The following PCDHGA5 variants were observed in gnomAD, a reference collection of about 807,000 sequenced individuals.
PCDHGA5 encodes the protein protocadherin gamma subfamily A, 5.
A neutral mutation model predicts 56.7 loss-of-function variants in PCDHGA5; 36 were observed. The observed-to-expected ratio is 0.64, with a 90% confidence interval of 0.49 to 0.84. The LOEUF (loss-of-function observed/expected upper bound fraction) is 0.84, where lower values mean the gene tolerates loss of function less well. Ranked by LOEUF, PCDHGA5 falls within the 40% of genes least tolerant of loss-of-function variation. The pLI is 0.00. For synonymous variants in PCDHGA5, 563 were observed against 520.2 expected, an observed-to-expected ratio of 1.08 and a Z score of -1.12; for missense variants, 1,305 against 1,201.5, an observed-to-expected ratio of 1.09 and a Z score of -1.27.
At chr5:141,397,395 C>G (rs1382237446) in intron 1 of PCDHGA5, among the ~76,000 whole-genome samples, 1 of 152,048 alleles carries the variant, frequency 6.6e-6, no homozygotes, top group Non-Finnish European at 1.5e-5. Flanking sequence ...ATTGCCACAA[C>G]TTTACAAAAT....
At position 141,430,974 on chromosome 5, in the gene PCDHGA5, C is replaced by T. The variant is rs141488923; in HGVS notation, c.2422-63833C>T. The T allele has an allele frequency of 7.0e-4, 1,130 of 1,613,070 alleles. 8 individuals carry two copies. In the African/African-American group the frequency reaches 0.014, roughly 19 times the overall value. On this transcript the variant is annotated intron_variant, in intron 1 of 3. Transcript: ENST00000518069. ...GTCCGCATCATCCCCAGAGGTAGGA[C>T]GCAGCTTTTCGCCCTGAATCCGCGC...
Position 141,476,974 on chromosome 5 carries a change from C to G in PCDHGA5, c.2422-17833C>G. 1 of 1,614,268 alleles carries G rather than the reference C, an allele frequency of 6.2e-7. No homozygotes were observed. The highest frequency in any genetic ancestry group is 1.3e-5 in the African/African-American group (1 of 75,080). On this transcript the variant is annotated intron_variant, in intron 1 of 3. Coordinates refer to ENST00000518069, the MANE Select transcript of PCDHGA5 (RefSeq NM_018918.3). This position sits in a 1 kb window ranked among gnomAD's most constrained non-coding sequence, Gnocchi z 7.6. ...AAATTATTTACTCCTTCGGCAGCCA[C>G]AACCGCGCCGGCGTGCGGCAACTAT...
intron 1 of PCDHGA5, chr5:141,423,369 A>C: frequency 1.9e-6 from 3 of 1,614,104 alleles, no homozygotes; most frequent in Non-Finnish European, 2.5e-6. Flanking sequence ...TGCTGCTGGC[A>C]CTCAGGCTGT....
At chr5:141,478,498 G>T in intron 1 of PCDHGA5, 1 of 1,612,710 alleles carries the variant, frequency 6.2e-7, no homozygotes, top group South Asian at 1.1e-5. Context: ...GCTGTGATCC[G>T]GTGTTCTATA....
rs112808093 is a variant in PCDHGA5, at chr5:141,489,579, C to T, written c.2422-5228C>T. On this transcript the variant is annotated intron_variant, in intron 1 of 3. Transcript: ENST00000518069. The surrounding 1 kb of genome is among the most constrained non-coding windows in gnomAD (Gnocchi z 4.5). ...CAGTGCAGGTGGTGACTGAACACCC[C>T]CTGGAGCTAATCCGTGTAGAGGTAG... is the stretch of plus-strand genomic sequence containing the variant. 211 of 1,614,038 alleles carry T rather than the reference C, an allele frequency of 1.3e-4. 1 individual carries two copies. In the African/African-American group the frequency reaches 1.7e-3, roughly 13 times the overall value.
intron 1 of PCDHGA5, chr5:141,383,125 G>T: frequency 6.2e-7 from 1 of 1,614,062 alleles, no homozygotes. Context: ...GCAGCTTTTC[G>T]CCCTGAACCA....
intron 1 of PCDHGA5, chr5:141,400,133 C>G: frequency 3.7e-6 from 6 of 1,614,066 alleles, no homozygotes; most frequent in Non-Finnish European, 5.1e-6. Flanking sequence ...GAGGTGCTGC[C>G]GGATATCACT....
rs1333168918 is a variant in PCDHGA5, at chr5:141,375,648, A to G, written c.2421+8897A>G. On this transcript the variant is annotated intron_variant, in intron 1 of 3. Coordinates refer to ENST00000518069, the MANE Select transcript of PCDHGA5 (RefSeq NM_018918.3). The stretch of plus-strand genomic sequence containing the variant: ...CTGTACGCCCTGCGCTCCTTCGACT[A>G]TGAGCAGTTGAGAGACCTACAGCTG... 3.7e-6 allele frequency: 6 copies of G among 1,614,030 alleles called. No individual in the cohort carries two copies. The African/African-American group carries it at 6.7e-5, about 18-fold the overall frequency.
chr5:141,474,369 G>C (rs1424130168), intron 1 of PCDHGA5, among the ~76,000 whole-genome samples: 1 of 152,184 alleles, frequency 6.6e-6, no homozygotes, highest in Non-Finnish European at 1.5e-5. Flanking sequence ...AGTAGGTCTA[G>C]AGGAGGGCAT....
intron 1 of PCDHGA5, among the ~76,000 whole-genome samples, chr5:141,466,975 A>C (rs769024064): frequency 2.6e-5 from 4 of 151,842 alleles, no homozygotes; most frequent in Non-Finnish European, 5.9e-5. Context: ...CTCACAGCTC[A>C]TCATTTACCT....
At chr5:141,401,838 T>C in intron 1 of PCDHGA5, among the ~76,000 whole-genome samples, 1 of 152,232 alleles carries the variant, frequency 6.6e-6, no homozygotes, top group East Asian at 1.9e-4. Context: ...TTTCTTATAA[T>C]ACCACTTACT....
At chr5:141,386,122 A>G (rs980639132) in intron 1 of PCDHGA5, 1 of 152,152 alleles carries the variant, frequency 6.6e-6, no homozygotes, top group Non-Finnish European at 1.5e-5. Flanking sequence ...AAAGTGGGAG[A>G]TTGGGGATAC....
chr5:141,370,383 G>A (rs1393783313), intron 1 of PCDHGA5: 1 of 1,533,714 alleles, frequency 6.5e-7, no homozygotes, highest in Non-Finnish European at 8.7e-7. Flanking sequence ...AGGCAAAGGC[G>A]CAGAGAGCGG....
chr5:141,414,413 C>T, intron 1 of PCDHGA5: 1 of 1,613,830 alleles, frequency 6.2e-7, no homozygotes. Flanking sequence ...ATACACAGAG[C>T]CCTTGACAGG....
At chr5:141,423,265 G>C in intron 1 of PCDHGA5, 1 of 1,613,666 alleles carries the variant, frequency 6.2e-7, no homozygotes, top group Non-Finnish European at 8.5e-7. Flanking sequence ...CGGCAGCCTC[G>C]AGTCTCTGGC....
intron 1 of PCDHGA5, among the ~76,000 whole-genome samples, chr5:141,438,591 CATATAT>C (rs946798767): frequency 1.2e-3 from 91 of 75,538 alleles, no homozygotes; most frequent in Non-Finnish European, 1.7e-3. Flanking sequence ...TACATACATA[CATATAT>C]ATATATATAT....
chr5:141,423,744 A>T, intron 1 of PCDHGA5: 4 of 429,458 alleles, frequency 9.3e-6, no homozygotes, highest in Non-Finnish European at 8.7e-6. Context: ...TGTTATGAAA[A>T]CTGTTTGGGG....
In PCDHGA5 at chr5:141,364,270, G is replaced by A. The variant is rs1358806015; in HGVS notation, c.-61G>A. The A allele has an allele frequency of 6.6e-7, 1 of 1,513,876 alleles. No homozygotes were observed. The highest frequency in any genetic ancestry group is 1.4e-5 in the African/African-American group (1 of 71,598). 93.8% of individuals were successfully genotyped at this position (1,513,876 alleles called of 1,614,324 possible). ...AGGGAATATGTACCCATCGGCTTTA[G>A]ATAAATAAGGAAACAGCAGGCTGAA... On this transcript the variant is annotated 5_prime_UTR_variant, in exon 1 of 4. Transcript: ENST00000518069.
At chr5:141,391,471 C>G (rs2092375745) in intron 1 of PCDHGA5, 1 of 152,152 alleles carries the variant, frequency 6.6e-6, no homozygotes, top group Non-Finnish European at 1.5e-5. Flanking sequence ...GCCACCAGAC[C>G]TGGCTAATTT....
Sources: allele counts gnomAD v4.1 joint callset (sites outside exome capture counted in the v4.1 genomes callset), GRCh38; gene constraint gnomAD v4.1.1; non-coding constraint Gnocchi (gnomAD v3.1); transcripts MANE v1.5; gene names NCBI Gene and HGNC (gene_info 2026-07-23, HGNC 2026-07-21).